The following ADAMTSL1 variants were observed in gnomAD, a reference collection of about 807,000 sequenced individuals.
ADAMTSL1 encodes ADAMTS like 1, also known as ADAMTS-like protein 1.
In ADAMTSL1, 126 loss-of-function variants were observed where a neutral mutation model predicts 201.8. That is an observed-to-expected ratio of 0.62 (90% CI 0.54 to 0.72). ADAMTSL1 has a LOEUF of 0.72. Among genes scored for constraint, ADAMTSL1 ranks in the 30% least tolerant of loss-of-function variants. The pLI, the probability that ADAMTSL1 is intolerant of heterozygous loss-of-function variation, is 0.00. For missense variants in ADAMTSL1, 2,679 were observed against 2,277.8 expected (o/e 1.18, Z -3.59); for synonymous variants, 1,121 against 903.4 (o/e 1.24, Z -4.32).
At chr9:18,593,934 TA>T (rs1824089107) in intron 4 of ADAMTSL1, among the ~76,000 whole-genome samples, 1 of 152,170 alleles carries the variant, frequency 6.6e-6, no homozygotes, top group Non-Finnish European at 1.5e-5. Context: ...ATTTTGTCTT[TA>T]GTACAGATTA....
chr9:18,688,219 G>T (rs1015902144), intron 13 of ADAMTSL1, among the ~76,000 whole-genome samples: 1 of 151,592 alleles, frequency 6.6e-6, no homozygotes, highest in Non-Finnish European at 1.5e-5. Context: ...TACCTCCTGG[G>T]TTCAAGCTAT....
chr9:18,570,869 C>G (rs931039499), intron 3 of ADAMTSL1, among the ~76,000 whole-genome samples: 1 of 152,152 alleles, frequency 6.6e-6, no homozygotes, highest in Non-Finnish European at 1.5e-5. Context: ...CTTCTCAGAC[C>G]TATTTCTCTA....
At chr9:18,747,171 G>A (rs1043145382) in intron 15 of ADAMTSL1, among the ~76,000 whole-genome samples, 1 of 152,156 alleles carries the variant, frequency 6.6e-6, no homozygotes, top group Non-Finnish European at 1.5e-5. Context: ...GCATGCAGGA[G>A]CCAGGCCGCC....
At chr9:18,822,916 C>G (rs908522048) in intron 21 of ADAMTSL1, among the ~76,000 whole-genome samples, 1 of 152,136 alleles carries the variant, frequency 6.6e-6, no homozygotes, top group African/African-American at 2.4e-5. Context: ...GTGGAACATT[C>G]AAGGGCTGGT....
intron 2 of ADAMTSL1, among the ~76,000 whole-genome samples, chr9:18,320,693 TA>T (rs1254132229): frequency 2.0e-5 from 3 of 152,162 alleles, no homozygotes; most frequent in African/African-American, 7.2e-5. Context: ...GGAAATATAT[TA>T]AAATATTAAC....
intron 2 of ADAMTSL1, among the ~76,000 whole-genome samples, chr9:18,449,786 G>A (rs547123553): frequency 9.9e-5 from 15 of 152,138 alleles, no homozygotes; most frequent in Non-Finnish European, 2.2e-4. Flanking sequence ...CTTTTTCAAC[G>A]TTATTAGTCA....
chr9:18,517,217 G>A (rs1257060488), intron 2 of ADAMTSL1, among the ~76,000 whole-genome samples: 1 of 152,052 alleles, frequency 6.6e-6, no homozygotes, highest in Non-Finnish European at 1.5e-5. Flanking sequence ...CTTCTTGCTA[G>A]TGGATCTTAA....
chr9:17,949,190 C>T (rs1827634273), intron 1 of ADAMTSL1, among the ~76,000 whole-genome samples: 1 of 152,150 alleles, frequency 6.6e-6, no homozygotes, highest in African/African-American at 2.4e-5. Flanking sequence ...AAGATAATTA[C>T]ATAAGAGGTT....
chr9:18,049,089 C>T (rs1821802270), intron 1 of ADAMTSL1, among the ~76,000 whole-genome samples: 1 of 152,062 alleles, frequency 6.6e-6, no homozygotes, highest in African/African-American at 2.4e-5. Context: ...TCTCTGCTCT[C>T]CCTCCCCTTT....
chr9:18,703,061 G>A (rs989920249), intron 13 of ADAMTSL1, among the ~76,000 whole-genome samples: 1 of 152,058 alleles, frequency 6.6e-6, no homozygotes, highest in African/African-American at 2.4e-5. Flanking sequence ...CGGCCGACAA[G>A]AAGAATTTTT....
chr9:17,986,280 A>G (rs751821193), intron 1 of ADAMTSL1, among the ~76,000 whole-genome samples: 37 of 152,002 alleles, frequency 2.4e-4, no homozygotes, highest in Non-Finnish European at 4.4e-4. Context: ...GCCTTTCTGC[A>G]ATGACCACCT....
intron 2 of ADAMTSL1, among the ~76,000 whole-genome samples, chr9:18,269,084 C>T (rs1332231081): frequency 6.6e-6 from 1 of 151,834 alleles, no homozygotes; most frequent in Non-Finnish European, 1.5e-5. Context: ...AAGAAGAAAA[C>T]CAGATATATG....
At chr9:18,126,047 C>T (rs553182571) in intron 1 of ADAMTSL1, among the ~76,000 whole-genome samples, 63 of 152,286 alleles carry the variant, frequency 4.1e-4, no homozygotes, top group Admixed American at 1.2e-3. Context: ...ACCTCAACAC[C>T]GTCATGGAGC....
At chr9:18,277,041 T>C (rs1183476089) in intron 2 of ADAMTSL1, among the ~76,000 whole-genome samples, 1 of 152,248 alleles carries the variant, frequency 6.6e-6, no homozygotes, top group African/African-American at 2.4e-5. Flanking sequence ...TTTCAATGTA[T>C]TTGTGAATTT....
chr9:18,317,485 A>T (rs1286899871), intron 2 of ADAMTSL1, among the ~76,000 whole-genome samples: 1 of 152,138 alleles, frequency 6.6e-6, no homozygotes, highest in African/African-American at 2.4e-5. Flanking sequence ...GATTGTGATA[A>T]TCATTTCACA....
intron 23 of ADAMTSL1, among the ~76,000 whole-genome samples, chr9:18,887,305 C>A (rs1403143123): frequency 1.3e-5 from 2 of 152,110 alleles, no homozygotes; most frequent in Non-Finnish European, 2.9e-5. Flanking sequence ...GAAGACAAAG[C>A]CTTATGCAGA....
intron 19 of ADAMTSL1, among the ~76,000 whole-genome samples, chr9:18,788,575 T>C (rs1027562661): frequency 9.8e-5 from 15 of 152,298 alleles, no homozygotes; most frequent in African/African-American, 3.6e-4. Flanking sequence ...ATAACATCAA[T>C]CTAGTAACAT....
intron 26 of ADAMTSL1, among the ~76,000 whole-genome samples, chr9:18,893,888 C>G (rs549749948): frequency 5.3e-5 from 8 of 152,356 alleles, no homozygotes; most frequent in African/African-American, 1.9e-4. Context: ...AGACCACCTT[C>G]TTAGCTCCAA....
chr9:17,924,440 T>C (rs1329028203), intron 1 of ADAMTSL1, among the ~76,000 whole-genome samples: 2 of 152,156 alleles, frequency 1.3e-5, no homozygotes, highest in Non-Finnish European at 2.9e-5. Flanking sequence ...TCTCTGATGG[T>C]AGTTTGTATT....
Sources: allele counts gnomAD v4.1 joint callset (sites outside exome capture counted in the v4.1 genomes callset), GRCh38; gene constraint gnomAD v4.1.1; transcripts MANE v1.5; gene names NCBI Gene and HGNC (gene_info 2026-07-23, HGNC 2026-07-21).